Variants in ABHD17B observed in about 807,000 individuals in gnomAD.
ABHD17B encodes the protein abhydrolase domain containing 17B, depalmitoylase, also known as alpha/beta hydrolase domain-containing protein 17B.
Under a neutral mutation model 26.2 loss-of-function variants are expected in ABHD17B, and 9 were observed. The ratio of observed to expected loss-of-function variants is 0.34; its 90% CI spans 0.21 to 0.60. The LOEUF is 0.60. Ranked by LOEUF, ABHD17B falls within the 20% of genes least tolerant of loss-of-function variation. ABHD17B has a pLI of 0.80. For missense variants in ABHD17B, 224 were observed against 352.1 expected, an observed-to-expected ratio of 0.64 and a Z score of 2.91; for synonymous variants, 127 against 122.3, an observed-to-expected ratio of 1.04 and a Z score of -0.25.
In ABHD17B at chr9:71,879,259, T is replaced by G. The variant is rs1826369902; in HGVS notation, c.-3-4176A>C. ...GGAGAATAGTTAATACAATGTTTTT[T>G]GTACAAGTGAGCAATGGGAGCAAGG... On this transcript the variant is annotated intron_variant, in intron 1 of 3. Transcript: ENST00000333421. Among the ~76,000 whole-genome samples, 3 of 152,218 alleles carry G rather than the reference T, an allele frequency of 2.0e-5. No individual in the cohort carries two copies. In the South Asian group the frequency reaches 6.2e-4, roughly 32 times the overall value.
intron 1 of ABHD17B, among the ~76,000 whole-genome samples, chr9:71,907,450 T>C (rs907864120): frequency 2.6e-5 from 4 of 152,164 alleles, no homozygotes; most frequent in African/African-American, 9.7e-5. Flanking sequence ...ACTGGTTAGA[T>C]ATCGGGGGGA....
chr9:71,877,387 A>G (rs1047887474), intron 1 of ABHD17B, among the ~76,000 whole-genome samples: 1 of 152,210 alleles, frequency 6.6e-6, no homozygotes. Flanking sequence ...TCTAGACTAT[A>G]GTCCTATAAT....
At chr9:71,877,589 T>C (rs1826316369) in intron 1 of ABHD17B, among the ~76,000 whole-genome samples, 1 of 152,174 alleles carries the variant, frequency 6.6e-6, no homozygotes, top group African/African-American at 2.4e-5. Flanking sequence ...AGCTAATTTT[T>C]GTATTTTTAG....
chr9:71,879,939 C>A (rs1270766059), intron 1 of ABHD17B, among the ~76,000 whole-genome samples: 1 of 152,150 alleles, frequency 6.6e-6, no homozygotes, highest in Non-Finnish European at 1.5e-5. Flanking sequence ...CTCATAACTA[C>A]TGTTTTGTGG....
downstream of ABHD17B, chr9:71,865,105 T>C: frequency 2.1e-6 from 2 of 963,454 alleles, no homozygotes; most frequent in Non-Finnish European, 2.5e-6. Flanking sequence ...TTTTCACTCT[T>C]TCTAGTGTGG....
At chr9:71,870,285 AC>A (rs1313256605) in intron 2 of ABHD17B, 23 bp from the exon 3 acceptor site, 1 of 1,545,610 alleles carries the variant, frequency 6.5e-7, no homozygotes, top group Non-Finnish European at 8.7e-7. Context: ...GGCGTTAAAA[AC>A]AAAAACCAAA....
Position 71,900,631 on chromosome 9 carries a change from G to A in ABHD17B, c.-4+10003C>T, listed in dbSNP as rs115681085. ...CATGCCACTGCACTCTGGTCTGGGCGACAGAGTGAGACTCCATCTCCAAAA... is the reference window on the plus strand; with the variant it reads ...CATGCCACTGCACTCTGGTCTGGGCAACAGAGTGAGACTCCATCTCCAAAA... On this transcript the variant is annotated intron_variant, in intron 1 of 3. Coordinates refer to ENST00000333421, the MANE Select transcript of ABHD17B (RefSeq NM_001025780.3). 9.3e-3 allele frequency among the ~76,000 whole-genome samples: 1,261 copies of A among 135,516 alleles called. 19 individuals are homozygous for A. The highest frequency in any genetic ancestry group is 0.033 in the African/African-American group (1,160 of 35,580). 88.9% of individuals were successfully genotyped at this position (135,516 alleles called of 152,430 possible). A position where few individuals can be genotyped will look rare whatever the true frequency, so the allele number is the denominator to read the frequency against.
chr9:71,904,910 T>C (rs1827241154), intron 1 of ABHD17B, among the ~76,000 whole-genome samples: 1 of 152,160 alleles, frequency 6.6e-6, no homozygotes, highest in African/African-American at 2.4e-5. Context: ...TAAATTTAGA[T>C]CCATGAGCAC....
At chr9:71,869,669 C>T (rs1478327619) in intron 3 of ABHD17B, among the ~76,000 whole-genome samples, 1 of 152,024 alleles carries the variant, frequency 6.6e-6, no homozygotes, top group African/African-American at 2.4e-5. Context: ...TAGCTTCTAC[C>T]TGTTCTTCTC....
At position 71,865,269 on chromosome 9, in the gene ABHD17B, GAGC is replaced by G. The variant is rs1564057668; in HGVS notation, c.*1515_*1517del. 2 of 985,482 alleles carry G rather than the reference GAGC, an allele frequency of 2.0e-6. No individual in the cohort carries two copies. Among genetic ancestry groups the G allele is most frequent in the East Asian group, 1.1e-4 (1 of 8,814 alleles). 61.0% of individuals were successfully genotyped at this position (985,482 alleles called of 1,614,324 possible). A position where few individuals can be genotyped will look rare whatever the true frequency, so the allele number is the denominator to read the frequency against. On this transcript the variant is annotated 3_prime_UTR_variant, in exon 4 of 4. Coordinates refer to ENST00000333421, the MANE Select transcript of ABHD17B (RefSeq NM_001025780.3). ...ATAGTCTTAAACATAACCACGGAAC[GAGC>G]AGAACAATTAAAACTACATAAGGCC...
intron 1 of ABHD17B, among the ~76,000 whole-genome samples, chr9:71,877,493 C>T (rs1480476283): frequency 6.6e-6 from 1 of 152,238 alleles, no homozygotes; most frequent in Non-Finnish European, 1.5e-5. Flanking sequence ...TCTTGGCTCA[C>T]TGCAACCTCC....
At chr9:71,900,976 C>T (rs998303186) in intron 1 of ABHD17B, among the ~76,000 whole-genome samples, 2 of 151,914 alleles carry the variant, frequency 1.3e-5, no homozygotes, top group Admixed American at 6.6e-5. Flanking sequence ...TGTGAAACCC[C>T]GTCTCTCCTA....
downstream of ABHD17B, among the ~76,000 whole-genome samples, chr9:71,863,787 T>C (rs1001873313): frequency 2.0e-5 from 3 of 152,232 alleles, no homozygotes; most frequent in Non-Finnish European, 4.4e-5. Context: ...ACATTGTACA[T>C]GCCTCTCAAA....
chr9:71,875,901 A>C (rs1648188582), intron 1 of ABHD17B, among the ~76,000 whole-genome samples: 1 of 152,146 alleles, frequency 6.6e-6, no homozygotes, highest in South Asian at 2.1e-4. Flanking sequence ...AGTTGTTGTG[A>C]GAAAGGAAAC....
chr9:71,896,683 C>CAT (rs1826967077), intron 1 of ABHD17B, among the ~76,000 whole-genome samples: 1 of 148,084 alleles, frequency 6.8e-6, no homozygotes, highest in Non-Finnish European at 1.5e-5. Context: ...TCTACCAAAA[C>CAT]ACACACACAC....
intron 1 of ABHD17B, among the ~76,000 whole-genome samples, chr9:71,888,606 T>C (rs1353160696): frequency 1.3e-5 from 2 of 152,202 alleles, no homozygotes; most frequent in Non-Finnish European, 2.9e-5. Context: ...TTATAAATAA[T>C]GAATACAATC....
intron 1 of ABHD17B, among the ~76,000 whole-genome samples, chr9:71,882,675 GAAAACAAAAAC>G (rs1826482939): frequency 6.7e-6 from 1 of 149,924 alleles, no homozygotes; most frequent in Non-Finnish European, 1.5e-5. Context: ...AAAAAACCAA[GAAAACAAAAAC>G]AAAACAAAAG....
intron 1 of ABHD17B, among the ~76,000 whole-genome samples, chr9:71,900,291 A>C (rs913696779): frequency 7.2e-5 from 11 of 152,176 alleles, no homozygotes; most frequent in African/African-American, 2.7e-4. Context: ...ATGTTCTCCT[A>C]ATCTACAGTT....
intron 1 of ABHD17B, among the ~76,000 whole-genome samples, chr9:71,900,036 C>T (rs2132200240): frequency 6.6e-6 from 1 of 152,190 alleles, no homozygotes; most frequent in African/African-American, 2.4e-5. Flanking sequence ...AAAGTCTAAA[C>T]CCCAAAAAAG....
Sources: allele counts gnomAD v4.1 joint callset (sites outside exome capture counted in the v4.1 genomes callset), GRCh38; gene constraint gnomAD v4.1.1; transcripts MANE v1.5; gene names NCBI Gene and HGNC (gene_info 2026-07-23, HGNC 2026-07-21).